Variants in PDE10A observed in about 807,000 individuals in gnomAD.
The protein encoded by PDE10A is phosphodiesterase 10A.
A neutral mutation model predicts 97.7 loss-of-function variants in PDE10A; 39 were observed. That is an observed-to-expected ratio of 0.40 (90% CI 0.31 to 0.52). The LOEUF (loss-of-function observed/expected upper bound fraction) is 0.52, where lower values mean the gene tolerates loss of function less well. Ranked by LOEUF, PDE10A falls within the 20% of genes least tolerant of loss-of-function variation. The probability of loss-of-function intolerance (pLI) is 0.56; values close to 1 mark genes in which losing one functional copy is unlikely to be tolerated. For synonymous variants in PDE10A, 371 were observed against 376.8 expected (o/e 0.98, Z 0.18); for missense variants, 731 against 1,047.8 (o/e 0.70, Z 4.17).
At chr6:165,736,787 T>C (rs1181819263) in intron 1 of PDE10A, among the ~76,000 whole-genome samples, 1 of 151,946 alleles carries the variant, frequency 6.6e-6, no homozygotes, top group Non-Finnish European at 1.5e-5. Flanking sequence ...AGTTAGCAGA[T>C]GGAAGGAAAT....
intron 3 of PDE10A, among the ~76,000 whole-genome samples, chr6:165,480,741 C>T (rs534270617): frequency 4.8e-4 from 73 of 152,302 alleles, no homozygotes; most frequent in Non-Finnish European, 9.7e-4. Flanking sequence ...TCTGGCCAGT[C>T]ACCACCTACC....
intron 1 of PDE10A, among the ~76,000 whole-genome samples, chr6:165,794,921 C>G (rs1778789765): frequency 2.0e-5 from 3 of 152,312 alleles, no homozygotes; most frequent in South Asian, 4.1e-4. Context: ...CATGAATGTG[C>G]CTATTGTTTC....
At chr6:165,784,950 C>A (rs997059417) in intron 1 of PDE10A, among the ~76,000 whole-genome samples, 5 of 152,142 alleles carry the variant, frequency 3.3e-5, no homozygotes, top group South Asian at 2.1e-4. Flanking sequence ...GACCAGGAAC[C>A]AATGCTGTCC....
chr6:165,626,548 G>C (rs1185905818), intron 1 of PDE10A, among the ~76,000 whole-genome samples: 1 of 152,172 alleles, frequency 6.6e-6, no homozygotes, highest in Non-Finnish European at 1.5e-5. Flanking sequence ...TTTTGAAAGG[G>C]ATAATTATTT....
intron 2 of PDE10A, among the ~76,000 whole-genome samples, chr6:165,501,531 C>G (rs1244710788): frequency 6.6e-6 from 1 of 151,676 alleles, no homozygotes; most frequent in African/African-American, 2.4e-5. Flanking sequence ...AGAGATCGCG[C>G]CACTGCACTC....
intron 1 of PDE10A, among the ~76,000 whole-genome samples, chr6:165,709,349 C>G (rs1234240088): frequency 7.0e-6 from 1 of 143,642 alleles, no homozygotes; most frequent in Non-Finnish European, 1.5e-5. Flanking sequence ...GCTCTCTCCC[C>G]AACCCCAATG....
At chr6:165,654,761 C>A (rs1290888426) in intron 1 of PDE10A, among the ~76,000 whole-genome samples, 1 of 152,182 alleles carries the variant, frequency 6.6e-6, no homozygotes, top group Admixed American at 6.5e-5. Flanking sequence ...TGCCACTCCA[C>A]CGCAATCTCC....
At chr6:165,543,398 T>C (rs1422717014) in intron 2 of PDE10A, 42 bp downstream of exon 2, 3 of 1,573,890 alleles carry the variant, frequency 1.9e-6, no homozygotes, top group Non-Finnish European at 2.6e-6. Context: ...TGCCGTAAGA[T>C]AGAAAAAGCT....
chr6:165,942,398 A>C (rs1783556266), intron 1 of PDE10A, among the ~76,000 whole-genome samples: 1 of 152,118 alleles, frequency 6.6e-6, no homozygotes, highest in Non-Finnish European at 1.5e-5. Context: ...TCTGCCTTGA[A>C]GATAGTTACT....
chr6:165,604,952 AT>A (rs959306527), intron 1 of PDE10A, among the ~76,000 whole-genome samples: 7 of 152,384 alleles, frequency 4.6e-5, no homozygotes, highest in African/African-American at 1.7e-4. Context: ...AACTAAAAAA[AT>A]AAACTTTCTC....
intron 10 of PDE10A, among the ~76,000 whole-genome samples, chr6:165,425,932 TAAAG>T (rs969108859): frequency 6.6e-6 from 1 of 151,166 alleles, no homozygotes; most frequent in Non-Finnish European, 1.5e-5. Flanking sequence ...AATCAAAAAA[TAAAG>T]AAAACAATTC....
intron 1 of PDE10A, among the ~76,000 whole-genome samples, chr6:165,722,264 G>A (rs1391374730): frequency 6.6e-6 from 1 of 152,206 alleles, no homozygotes; most frequent in Non-Finnish European, 1.5e-5. Flanking sequence ...AGCACAGAAG[G>A]CAGCCTCCTT....
chr6:165,702,852 C>A (rs1159542141), intron 1 of PDE10A, among the ~76,000 whole-genome samples: 1 of 152,132 alleles, frequency 6.6e-6, no homozygotes, highest in Non-Finnish European at 1.5e-5. Flanking sequence ...GAATGTGAGG[C>A]TCTGACGTTC....
intron 1 of PDE10A, among the ~76,000 whole-genome samples, chr6:165,828,937 C>G (rs945520803): frequency 6.6e-6 from 1 of 152,222 alleles, no homozygotes; most frequent in African/African-American, 2.4e-5. Flanking sequence ...TTAATGAAAT[C>G]AAGCTAGTTA....
At chr6:165,387,681 C>T (rs143089130) in intron 17 of PDE10A, among the ~76,000 whole-genome samples, 3 of 152,296 alleles carry the variant, frequency 2.0e-5, no homozygotes, top group Admixed American at 6.5e-5. Flanking sequence ...ATAGGGCCCA[C>T]TATACTTAAG....
chr6:165,726,553 C>G (rs573446496), intron 1 of PDE10A, among the ~76,000 whole-genome samples: 62 of 150,690 alleles, frequency 4.1e-4, no homozygotes, highest in South Asian at 2.3e-3. Context: ...CCACGATGCC[C>G]GAGGAGAGCC....
rs1301195609 is a variant in PDE10A, at chr6:165,662,262, C to T, written c.550G>A (p.Gly184Ser). 1.2e-5 allele frequency: 2 copies of T among 167,040 alleles called. No homozygotes were observed. Among genetic ancestry groups the T allele is most frequent in the African/African-American group, 2.4e-5 (1 of 40,924 alleles). 10.3% of individuals were successfully genotyped at this position (167,040 alleles called of 1,614,324 possible). The change falls in exon 1 of 22, where the codon GGC becomes AGC. Residue 184 changes from glycine (G) to serine (S), a missense_variant. This residue lies in a region of PDE10A where 181 missense variants were observed against 159.1 expected (regional missense o/e 1.14). Transcript: ENST00000539869. ...SVPTSSSHRG[G>S]GGSGGGRRRL... ...CGCCGCCCGCCGCCGCTGCCACCGC[C>T]GCCGCGGTGACTACTGCTGGTGGGG... is the stretch of plus-strand genomic sequence containing the variant.
chr6:165,630,258 C>T (rs1410716507), intron 1 of PDE10A, among the ~76,000 whole-genome samples: 5 of 152,064 alleles, frequency 3.3e-5, no homozygotes, highest in Admixed American at 1.3e-4. Flanking sequence ...TCAGGCTGGA[C>T]AATCACTTGA....
At chr6:165,804,686 G>C (rs1320604710) in intron 1 of PDE10A, among the ~76,000 whole-genome samples, 1 of 152,066 alleles carries the variant, frequency 6.6e-6, no homozygotes, top group South Asian at 2.1e-4. Flanking sequence ...GCGTGGTCGC[G>C]AAGGGGAAGA....
Sources: allele counts gnomAD v4.1 joint callset (sites outside exome capture counted in the v4.1 genomes callset), GRCh38; gene constraint gnomAD v4.1.1; regional missense constraint gnomAD v4.1.1; transcripts MANE v1.5; gene names NCBI Gene and HGNC (gene_info 2026-07-23, HGNC 2026-07-21).